ABR: variants seen among roughly 807,000 people sequenced by gnomAD.
ABR encodes the protein ABR activator of RhoGEF and GTPase, also known as active breakpoint cluster region-related protein.
ABR carries 35 observed loss-of-function variants against 107.2 expected under a neutral mutation model. That is an observed-to-expected ratio of 0.33 (90% CI 0.25 to 0.43). The LOEUF is 0.43. Ranked by LOEUF, ABR falls within the 20% of genes least tolerant of loss-of-function variation. The probability of loss-of-function intolerance (pLI) is 1.00; values close to 1 mark genes in which losing one functional copy is unlikely to be tolerated. For missense variants in ABR, 815 were observed against 1,115.2 expected (o/e 0.73, Z 3.83); for synonymous variants, 498 against 462.0 (o/e 1.08, Z -1.00).
At chr17:1,196,840 G>A (rs142046097) in intron 1 of ABR, among the ~76,000 whole-genome samples, 8 of 151,926 alleles carry the variant, frequency 5.3e-5, no homozygotes, top group Admixed American at 2.0e-4. Flanking sequence ...GACTACAGGC[G>A]CCCACCACCG....
At chr17:1,048,832 G>A (rs568117713) in intron 16 of ABR, among the ~76,000 whole-genome samples, 3 of 152,052 alleles carry the variant, frequency 2.0e-5, no homozygotes, top group Non-Finnish European at 4.4e-5. Context: ...CCTGGATCAC[G>A]TCTGCGGCCA....
At chr17:1,129,071 C>T (rs1236072978) in intron 1 of ABR, among the ~76,000 whole-genome samples, 1 of 152,246 alleles carries the variant, frequency 6.6e-6, no homozygotes, top group African/African-American at 2.4e-5. Context: ...TGCTTTTCCT[C>T]TGACTGTCAC....
chr17:1,115,229 C>T (rs1215295559), intron 2 of ABR: 1 of 152,418 alleles, frequency 6.6e-6, no homozygotes, highest in African/African-American at 2.4e-5. Context: ...CAGGAAGCCA[C>T]CAAGCCAGCC....
At position 1,076,715 on chromosome 17, in the gene ABR, GGGGGGGGT is replaced by G. The variant is rs935804519; in HGVS notation, c.700+2607_700+2614del. Among the ~76,000 whole-genome samples, 26 of 54,484 alleles carry G rather than the reference GGGGGGGGT, an allele frequency of 4.8e-4. No homozygotes were observed. The East Asian group carries it at 0.014, about 30-fold the overall frequency. 35.7% of individuals were successfully genotyped at this position (54,484 alleles called of 152,430 possible). A position where few individuals can be genotyped will look rare whatever the true frequency, so the allele number is the denominator to read the frequency against. On this transcript the variant is annotated intron_variant, in intron 6 of 22. Coordinates refer to ENST00000302538, the MANE Select transcript of ABR (RefSeq NM_021962.5). ...AGGGCGGCCAGGAGGGCAGGTGCACGGGGGGGGTGGGGGTGGGGGGGGTGGCGGCACTG... is the reference window on the plus strand; with the variant it reads ...AGGGCGGCCAGGAGGGCAGGTGCACGGGGGGTGGGGGGGGTGGCGGCACTG...
At chr17:1,133,549 TAAC>T (rs1466673761) in intron 1 of ABR, among the ~76,000 whole-genome samples, 7 of 152,062 alleles carry the variant, frequency 4.6e-5, no homozygotes, top group Non-Finnish European at 5.9e-5. Context: ...AAGAGATTAA[TAAC>T]AATAATTAAA....
chr17:1,169,986 T>C (rs1262237583), intron 1 of ABR, among the ~76,000 whole-genome samples: 3 of 137,152 alleles, frequency 2.2e-5, no homozygotes, highest in African/African-American at 5.5e-5. Context: ...GTGTTTGTGT[T>C]TGTGTTTGTG....
rs71148428 is a variant in ABR, at chr17:1,083,262, ATTTTTTTTTTT to A, written c.639+247_639+257del. The A allele has an allele frequency of 4.6e-4, 47 of 101,168 alleles. No individual in the cohort carries two copies. In the East Asian group the frequency reaches 5.1e-3, roughly 11 times the overall value. The allele number at this position is 101,168 out of a possible 1,614,324, so 6.3% of individuals were successfully genotyped here. ...GTGGTGTGGGAGAACACTGCCTTGGATTTTTTTTTTTTTTTTTTTTTTTTGCCTCCCCTGTT... is the reference window on the plus strand; with the variant it reads ...GTGGTGTGGGAGAACACTGCCTTGGATTTTTTTTTTTTTGCCTCCCCTGTT... On this transcript the variant is annotated intron_variant, in intron 5 of 22. Coordinates refer to ENST00000302538, the MANE Select transcript of ABR (RefSeq NM_021962.5).
chr17:1,223,908 G>A (rs10221264), intron 1 of ABR, among the ~76,000 whole-genome samples: 16,010 of 152,024 alleles, frequency 0.11, 2,301 homozygotes, highest in African/African-American at 0.33. Flanking sequence ...TCCCTCCCTC[G>A]ACACGTGGGG....
chr17:1,204,315 C>T (rs1404865342), intron 1 of ABR, among the ~76,000 whole-genome samples: 1 of 152,130 alleles, frequency 6.6e-6, no homozygotes. Flanking sequence ...CGTGGTGGTG[C>T]GCGCCTGTAA....
intron 16 of ABR, among the ~76,000 whole-genome samples, chr17:1,026,240 G>C (rs1459882172): frequency 6.6e-6 from 1 of 152,246 alleles, no homozygotes; most frequent in Non-Finnish European, 1.5e-5. Context: ...AGCAGACTGA[G>C]ACGAGAAAAA....
At position 1,087,404 on chromosome 17, in the gene ABR, A is replaced by G. The variant is rs1204726683; in HGVS notation, c.532-3777T>C. On this transcript the variant is annotated intron_variant, in intron 4 of 22. Coordinates refer to ENST00000302538, the MANE Select transcript of ABR (RefSeq NM_021962.5). ...AGCCCTTTGAGGAAGCTGGTGGGGC[A>G]GGGGAGCGGGGGGCATCTGGAAAAG... is the stretch of plus-strand genomic sequence containing the variant. 5.9e-5 allele frequency among the ~76,000 whole-genome samples: 9 copies of G among 152,124 alleles called. No homozygotes were observed. In the South Asian group the frequency reaches 1.9e-3, roughly 32 times the overall value.
intron 1 of ABR, among the ~76,000 whole-genome samples, chr17:1,145,831 A>G (rs1163595354): frequency 6.6e-6 from 1 of 152,220 alleles, no homozygotes; most frequent in Non-Finnish European, 1.5e-5. Flanking sequence ...TGTCCGCAGA[A>G]GTCGCCCAAG....
intron 16 of ABR, among the ~76,000 whole-genome samples, chr17:1,032,959 T>C (rs2072924592): frequency 6.6e-6 from 1 of 152,156 alleles, no homozygotes; most frequent in African/African-American, 2.4e-5. Context: ...ATTCTTGTCA[T>C]GTTGGTGTTA....
intron 16 of ABR, among the ~76,000 whole-genome samples, chr17:1,049,759 C>T (rs562002230): frequency 5.3e-5 from 8 of 152,324 alleles, no homozygotes; most frequent in African/African-American, 9.6e-5. Flanking sequence ...CATGGCGTTC[C>T]GGGAAACAAC....
At chr17:1,049,911 G>A (rs914707944) in intron 16 of ABR, 139 bp downstream of exon 16, 2 of 1,230,026 alleles carry the variant, frequency 1.6e-6, no homozygotes, top group African/African-American at 1.5e-5. Flanking sequence ...AGGGAGGGGA[G>A]AACCACCTCC....
intron 3 of ABR, among the ~76,000 whole-genome samples, chr17:1,093,755 T>A (rs1276741255): frequency 6.6e-6 from 1 of 152,078 alleles, no homozygotes; most frequent in East Asian, 1.9e-4. Context: ...CAGCCTCACA[T>A]CACCTCATTC....
At chr17:1,167,256 C>T (rs2041549448) in intron 1 of ABR, among the ~76,000 whole-genome samples, 1 of 152,038 alleles carries the variant, frequency 6.6e-6, no homozygotes, top group Non-Finnish European at 1.5e-5. Flanking sequence ...TGCTTGGATC[C>T]TCCCTGCTCC....
At chr17:1,177,204 G>C (rs904620148) in intron 1 of ABR, among the ~76,000 whole-genome samples, 4 of 152,210 alleles carry the variant, frequency 2.6e-5, no homozygotes, top group Non-Finnish European at 4.4e-5. Context: ...GACAGCTCGG[G>C]TATTTGTTTT....
chr17:1,057,811 C>T, intron 12 of ABR, 159 bp downstream of exon 12: 1 of 632,772 alleles, frequency 1.6e-6, no homozygotes, highest in South Asian at 1.8e-5. Context: ...TTCTTTGGGT[C>T]TCAATTAATC....
Sources: gnomAD v4.1 joint callset for allele counts (sites outside exome capture counted in the v4.1 genomes callset) on GRCh38, gnomAD v4.1.1 for gene constraint, MANE v1.5 for transcripts, NCBI Gene and HGNC (gene_info 2026-07-23, HGNC 2026-07-21) for gene names.